The following PKHD1 variants were observed in gnomAD, a reference collection of about 807,000 sequenced individuals.
The protein encoded by PKHD1 is fibrocystin.
Under a neutral mutation model 412.0 loss-of-function variants are expected in PKHD1, and 291 were observed. The observed-to-expected ratio is 0.71, with a 90% CI of 0.64 to 0.78. The LOEUF (loss-of-function observed/expected upper bound fraction) is 0.78. Ranked by LOEUF, PKHD1 falls within the 30% of genes least tolerant of loss-of-function variation. PKHD1 has a pLI of 0.00. For missense variants in PKHD1, 4,825 were observed against 4,950.7 expected (o/e 0.97, Z 0.76); for synonymous variants, 1,777 against 1,821.5 (o/e 0.98, Z 0.62).
At chr6:51,804,600 A>C (rs1410466233) in intron 52 of PKHD1, among the ~76,000 whole-genome samples, 5 of 92,816 alleles carry the variant, frequency 5.4e-5, no homozygotes, top group African/African-American at 1.4e-4. Context: ...ACACAATTGC[A>C]AAACTTCATA....
chr6:51,657,279 G>A (rs187732311), intron 61 of PKHD1, among the ~76,000 whole-genome samples: 47 of 151,924 alleles, frequency 3.1e-4, no homozygotes, highest in African/African-American at 8.0e-4. Context: ...AGACTGTGTC[G>A]GGCTTTAGGG....
intron 43 of PKHD1, among the ~76,000 whole-genome samples, chr6:51,892,709 C>T (rs1779299867): frequency 6.6e-6 from 1 of 152,122 alleles, no homozygotes; most frequent in African/African-American, 2.4e-5. Flanking sequence ...CTTTAATAGT[C>T]TTTACTAGGA....
At chr6:51,984,269 T>A (rs1179888434) in intron 35 of PKHD1, among the ~76,000 whole-genome samples, 3 of 152,252 alleles carry the variant, frequency 2.0e-5, no homozygotes, top group Non-Finnish European at 4.4e-5. Flanking sequence ...TCTTCTTAGC[T>A]AAAATCCTGG....
chr6:51,707,056 T>G (rs1780096336), intron 60 of PKHD1, among the ~76,000 whole-genome samples: 1 of 152,208 alleles, frequency 6.6e-6, no homozygotes, highest in Admixed American at 6.5e-5. Flanking sequence ...TTGCTGAATA[T>G]ATAAGAATTG....
At chr6:51,836,503 C>T in intron 50 of PKHD1, 34 bp from the exon 51 acceptor site, 1 of 1,428,840 alleles carries the variant, frequency 7.0e-7, no homozygotes. Context: ...GCATGTGATA[C>T]AAAGATCATC....
At chr6:51,656,505 T>G (rs563722590) in intron 61 of PKHD1, among the ~76,000 whole-genome samples, 11 of 152,120 alleles carry the variant, frequency 7.2e-5, no homozygotes, top group African/African-American at 2.7e-4. Flanking sequence ...TTGGAAAACA[T>G]GGTGATGGAA....
chr6:51,811,444 C>T (rs1025672885), intron 52 of PKHD1, among the ~76,000 whole-genome samples: 5 of 152,166 alleles, frequency 3.3e-5, no homozygotes, highest in African/African-American at 9.7e-5. Context: ...GGACATTTGT[C>T]ATTACTGATA....
intron 14 of PKHD1, among the ~76,000 whole-genome samples, chr6:52,061,406 C>T (rs190286819): frequency 5.3e-5 from 8 of 152,152 alleles, no homozygotes; most frequent in African/African-American, 1.7e-4. Context: ...TAGACTCAGG[C>T]GATCCTCCTG....
At chr6:52,080,732 A>T (rs1473177381) in intron 4 of PKHD1, among the ~76,000 whole-genome samples, 1 of 152,212 alleles carries the variant, frequency 6.6e-6, no homozygotes, top group Non-Finnish European at 1.5e-5. Flanking sequence ...AAGATATGCC[A>T]TGATTATAAC....
intron 60 of PKHD1, among the ~76,000 whole-genome samples, chr6:51,698,136 C>T (rs561089629): frequency 3.3e-5 from 5 of 152,240 alleles, no homozygotes; most frequent in African/African-American, 1.2e-4. Flanking sequence ...CAGGTCTGAA[C>T]AGCCATATTA....
intron 35 of PKHD1, among the ~76,000 whole-genome samples, chr6:51,964,710 G>T (rs926010247): frequency 3.3e-5 from 5 of 152,074 alleles, no homozygotes; most frequent in African/African-American, 1.2e-4. Context: ...GAAATAATAT[G>T]ATATGAAGCT....
At chr6:51,916,510 C>G (rs577416837) in intron 37 of PKHD1, among the ~76,000 whole-genome samples, 7 of 152,166 alleles carry the variant, frequency 4.6e-5, no homozygotes, top group Admixed American at 4.6e-4. Flanking sequence ...GAATCTAAGA[C>G]CAGAGAACTA....
chr6:51,890,308 G>A (rs1778903227), intron 43 of PKHD1, among the ~76,000 whole-genome samples: 1 of 152,138 alleles, frequency 6.6e-6, no homozygotes, highest in African/African-American at 2.4e-5. Context: ...AAGGCAGGAT[G>A]CCCAATAATA....
At chr6:51,937,938 C>A (rs1048575653) in intron 36 of PKHD1, among the ~76,000 whole-genome samples, 2 of 152,204 alleles carry the variant, frequency 1.3e-5, no homozygotes, top group Non-Finnish European at 2.9e-5. Flanking sequence ...TCTAACATGG[C>A]TTACTCCATC....
intron 48 of PKHD1, among the ~76,000 whole-genome samples, chr6:51,867,047 C>T (rs1418208377): frequency 1.3e-5 from 2 of 152,112 alleles, no homozygotes; most frequent in Non-Finnish European, 2.9e-5. Flanking sequence ...TAGTGCAATC[C>T]TAACCACAAT....
At chr6:51,916,379 CTT>C (rs751932920) in intron 37 of PKHD1, among the ~76,000 whole-genome samples, 81 of 152,150 alleles carry the variant, frequency 5.3e-4, no homozygotes, top group Non-Finnish European at 8.4e-4. Context: ...AGTAAGAAAT[CTT>C]TGGTTTTTTA....
chr6:51,981,359 C>CTG (rs1795203377), intron 35 of PKHD1, among the ~76,000 whole-genome samples: 1 of 92,692 alleles, frequency 1.1e-5, no homozygotes, highest in African/African-American at 3.5e-5. Flanking sequence ...CTCCCTCTCC[C>CTG]TCTCCCTCTC....
At chr6:51,788,487 A>G (rs1430864355) in intron 53 of PKHD1, among the ~76,000 whole-genome samples, 2 of 151,162 alleles carry the variant, frequency 1.3e-5, no homozygotes, top group South Asian at 2.1e-4. Context: ...TGGTAGCACA[A>G]GCAGAAGACA....
intron 60 of PKHD1, among the ~76,000 whole-genome samples, chr6:51,680,736 C>T (rs892962892): frequency 1.1e-4 from 17 of 151,998 alleles, no homozygotes; most frequent in Non-Finnish European, 2.5e-4. Context: ...ATAAAAAATC[C>T]ACTTGAATAT....
Sources: gnomAD v4.1 joint callset for allele counts (sites outside exome capture counted in the v4.1 genomes callset) on GRCh38, gnomAD v4.1.1 for gene constraint, MANE v1.5 for transcripts, NCBI Gene and HGNC (gene_info 2026-07-23, HGNC 2026-07-21) for gene names.